The following POLR1D variants were observed in gnomAD, a reference collection of about 807,000 sequenced individuals.
The protein encoded by POLR1D is RNA polymerase I and III subunit D, also known as DNA-directed RNA polymerases I and III subunit RPAC2.
POLR1D carries 8 observed loss-of-function variants against 10.8 expected under a neutral mutation model. The observed-to-expected ratio is 0.74, with a 90% confidence interval of 0.43 to 1.33. POLR1D has a LOEUF of 1.33. Ranked by LOEUF, POLR1D falls within the 40% of genes most tolerant of loss-of-function variation. The pLI, the probability that POLR1D is intolerant of heterozygous loss-of-function variation, is 0.01. For missense variants in POLR1D, 152 were observed against 161.7 expected, an observed-to-expected ratio of 0.94 and a Z score of 0.32; for synonymous variants, 54 against 57.2, an observed-to-expected ratio of 0.94 and a Z score of 0.25.
intron 2 of POLR1D, chr13:27,660,844 T>C (rs1956356700): frequency 6.6e-6 from 1 of 152,306 alleles, no homozygotes; most frequent in African/African-American, 2.4e-5. Flanking sequence ...CTGTACCTTT[T>C]TTCTTTTCTT....
At chr13:27,656,099 A>G (rs1956306341) in intron 2 of POLR1D, among the ~76,000 whole-genome samples, 3 of 152,228 alleles carry the variant, frequency 2.0e-5, no homozygotes, top group Admixed American at 6.5e-5. Flanking sequence ...AGGATAAGGT[A>G]GAAACCTCCC....
downstream of POLR1D, among the ~76,000 whole-genome samples, chr13:27,624,471 C>A (rs1593276514): frequency 6.6e-6 from 1 of 152,278 alleles, no homozygotes. Context: ...TTCCTACACT[C>A]AGCCAAATTC....
At chr13:27,652,055 A>T (rs2138560322) in intron 2 of POLR1D, among the ~76,000 whole-genome samples, 1 of 152,334 alleles carries the variant, frequency 6.6e-6, no homozygotes. Context: ...TTGGTTTCGG[A>T]TATAAGGCTG....
At chr13:27,640,925 A>T (rs1411787731) in intron 1 of POLR1D, among the ~76,000 whole-genome samples, 1 of 152,158 alleles carries the variant, frequency 6.6e-6, no homozygotes, top group East Asian at 1.9e-4. Flanking sequence ...TAACCTAAGT[A>T]ATCTATTATT....
At chr13:27,627,170 A>G (rs1023703828), downstream of POLR1D, among the ~76,000 whole-genome samples, 1 of 152,174 alleles carries the variant, frequency 6.6e-6, no homozygotes, top group Non-Finnish European at 1.5e-5. Context: ...ATCTGCTTTC[A>G]AGTACTTATT....
chr13:27,648,446 A>G, exon 2 of POLR1D: 10 of 1,605,778 alleles, frequency 6.2e-6, no homozygotes, highest in Non-Finnish European at 8.5e-6. Flanking sequence ...AATGGGACCC[A>G]TGGGTTGGTA....
At chr13:27,637,781 G>A (rs1002744526) in intron 1 of POLR1D, among the ~76,000 whole-genome samples, 2 of 151,648 alleles carry the variant, frequency 1.3e-5, no homozygotes, top group Admixed American at 1.3e-4. Context: ...TTACTGATGG[G>A]TTTTAATACA....
rs748633523 is a variant in POLR1D, at chr13:27,628,847, G to A, written c.26+6838G>A. Among the ~76,000 whole-genome samples the A allele has an allele frequency of 3.9e-5, 6 of 152,204 alleles. No individual in the cohort carries two copies. The East Asian group carries it at 9.7e-4, about 25-fold the overall frequency. ...TTTTTATTCTTCTTTTGAGACAGTC[G>A]CACTGTTACCAAGGCTGGAATGCAG... On this transcript the variant is annotated intron_variant, in intron 1 of 2. Coordinates refer to the POLR1D transcript ENST00000399697.
chr13:27,622,929 G>A lies in POLR1D; in HGVS notation c.81G>A (p.Leu27=). The A allele has an allele frequency of 1.2e-6, 2 of 1,612,530 alleles. No individual in the cohort carries two copies. The highest frequency in any genetic ancestry group is 1.7e-6 in the Non-Finnish European group (2 of 1,178,530). Residue 27 remains leucine, a synonymous_variant, in exon 2 of 2, where the codon CTG becomes CTA. Transcript: ENST00000302979. ...SMAEGERKTA[L]EMVQAAGTDR... ...CTGAAGGCGAGAGGAAGACAGCCCT[G>A]GAAATGGTCCAGGCAGCTGGAACAG...
At chr13:27,649,958 C>G in intron 2 of POLR1D, 1 of 397,830 alleles carries the variant, frequency 2.5e-6, no homozygotes, top group East Asian at 3.6e-5. Context: ...TCAGAGGGTT[C>G]CCCCAAACTA....
At chr13:27,655,431 A>G (rs1034040526) in intron 2 of POLR1D, among the ~76,000 whole-genome samples, 18 of 152,176 alleles carry the variant, frequency 1.2e-4, no homozygotes, top group Non-Finnish European at 2.4e-4. Flanking sequence ...TAACATCCCA[A>G]AAATGTCTTT....
At chr13:27,653,605 A>T (rs1056260722) in intron 2 of POLR1D, among the ~76,000 whole-genome samples, 1 of 152,198 alleles carries the variant, frequency 6.6e-6, no homozygotes, top group African/African-American at 2.4e-5. Flanking sequence ...TTGCACTCTT[A>T]CGTTATTGAG....
At chr13:27,635,575 A>G (rs1956114888) in intron 1 of POLR1D, among the ~76,000 whole-genome samples, 1 of 151,970 alleles carries the variant, frequency 6.6e-6, no homozygotes. Flanking sequence ...ATGATATTTT[A>G]GTTAACATAC....
At chr13:27,665,613 C>A in intron 2 of POLR1D, 6 of 1,389,684 alleles carry the variant, frequency 4.3e-6, no homozygotes, top group Non-Finnish European at 6.1e-6. Flanking sequence ...TGGTACTAAT[C>A]ACGATAGTGG....
intron 2 of POLR1D, among the ~76,000 whole-genome samples, chr13:27,649,054 A>G (rs1393809347): frequency 1.3e-5 from 2 of 152,154 alleles, no homozygotes; most frequent in East Asian, 1.9e-4. Context: ...GTGAGACTTC[A>G]TCTCTACAAA....
At chr13:27,647,088 C>A (rs1047591511) in intron 1 of POLR1D, among the ~76,000 whole-genome samples, 3 of 152,086 alleles carry the variant, frequency 2.0e-5, no homozygotes, top group African/African-American at 2.4e-5. Context: ...TTTGTTTATA[C>A]CTCTCTTTTT....
intron 1 of POLR1D, among the ~76,000 whole-genome samples, chr13:27,645,483 T>C (rs1956211198): frequency 6.6e-6 from 1 of 152,188 alleles, no homozygotes; most frequent in African/African-American, 2.4e-5. Flanking sequence ...TCTCTGAATA[T>C]CACTTTCCAC....
rs1017194325 is a variant in POLR1D, at chr13:27,650,964, T to C, written c.101+2511T>C. The C allele has an allele frequency of 3.9e-5, 6 of 152,172 alleles. No individual in the cohort carries two copies. In the East Asian group the frequency reaches 1.2e-3, roughly 29 times the overall value. 9.4% of individuals were successfully genotyped at this position (152,172 alleles called of 1,614,324 possible). A position where few individuals can be genotyped will look rare whatever the true frequency, so the allele number is the denominator to read the frequency against. On this transcript the variant is annotated intron_variant, in intron 2 of 2. Coordinates refer to the POLR1D transcript ENST00000399697. The stretch of plus-strand genomic sequence containing the variant: ...ATTATACTTCAAAGTCACCAATTAA[T>C]TGATGAAAGAAAACTTTACAGAAGA...
chr13:27,636,071 C>G (rs1454151989), intron 1 of POLR1D, among the ~76,000 whole-genome samples: 1 of 152,166 alleles, frequency 6.6e-6, no homozygotes, highest in Admixed American at 6.5e-5. Context: ...AAATTCTGCT[C>G]TGAAGCTTGT....
Sources: gnomAD v4.1 joint callset for allele counts (sites outside exome capture counted in the v4.1 genomes callset) on GRCh38, gnomAD v4.1.1 for gene constraint, MANE v1.5 for transcripts, NCBI Gene and HGNC (gene_info 2026-07-23, HGNC 2026-07-21) for gene names.